The following PAK3 variants were observed in gnomAD, a reference collection of about 807,000 sequenced individuals.
The protein encoded by PAK3 is p21 (RAC1) activated kinase 3.
PAK3 carries 4 observed loss-of-function variants against 41.0 expected under a neutral mutation model. The observed-to-expected ratio is 0.10, with a 90% CI of 0.05 to 0.22. PAK3 has a LOEUF of 0.22. PAK3 is among the 10% of genes least tolerant of loss of function. The pLI is 1.00. For synonymous variants in PAK3, 146 were observed against 139.6 expected, an observed-to-expected ratio of 1.05 and a Z score of -0.32; for missense variants, 205 against 409.9, an observed-to-expected ratio of 0.50 and a Z score of 4.32.
intron 17 of PAK3, among the ~76,000 whole-genome samples, chrX:111,217,262 C>T (rs1321552237): frequency 8.9e-6 from 1 of 111,843 alleles, no homozygotes; most frequent in Non-Finnish European, 1.9e-5. Flanking sequence ...TTCCACCACA[C>T]GTCACACACA....
intron 1 of PAK3, among the ~76,000 whole-genome samples, chrX:110,976,006 C>T (rs2091320198): frequency 1.8e-5 from 2 of 111,710 alleles, no homozygotes; most frequent in Non-Finnish European, 3.8e-5. Flanking sequence ...CCATGAAAAC[C>T]CTAGAACAAA....
chrX:111,175,258 A>G (rs1009258447), intron 11 of PAK3, among the ~76,000 whole-genome samples: 17 of 111,670 alleles, frequency 1.5e-4, no homozygotes, highest in Admixed American at 1.4e-3. Flanking sequence ...TTGGCTACTG[A>G]GCACTTGAAA....
At chrX:111,105,902 G>A (rs1379643237) in intron 4 of PAK3, among the ~76,000 whole-genome samples, 2 of 111,785 alleles carry the variant, frequency 1.8e-5, no homozygotes, top group East Asian at 2.8e-4. Flanking sequence ...CACAGGTATA[G>A]TCACATTGAC....
rs866113817 is a variant in PAK3 at position 111,160,965 on chromosome X, C to T, written c.469-1950C>T. Among the ~76,000 whole-genome samples, 35 of 112,270 alleles carry T rather than the reference C, an allele frequency of 3.1e-4. 1 individual carries two copies. The highest frequency in any genetic ancestry group is 6.6e-4 in the Admixed American group (7 of 10,657). On this transcript the variant is annotated intron_variant, in intron 8 of 17. Transcript: ENST00000372007. ...CTTTATAGCAGCATGATTTATAATCCTTTGGGTATATACCCAGTAATGGGA... is the reference window on the plus strand; with the variant it reads ...CTTTATAGCAGCATGATTTATAATCTTTTGGGTATATACCCAGTAATGGGA...
chrX:111,127,504 G>A (rs2093663648), intron 5 of PAK3, among the ~76,000 whole-genome samples: 1 of 111,211 alleles, frequency 9.0e-6, no homozygotes, highest in Non-Finnish European at 1.9e-5. Context: ...GTTAGTGACT[G>A]TTCCAGAAGC....
At chrX:111,106,215 C>G in intron 4 of PAK3, among the ~76,000 whole-genome samples, 1 of 111,596 alleles carries the variant, frequency 9.0e-6, no homozygotes, top group Non-Finnish European at 1.9e-5. Flanking sequence ...TACTGACACA[C>G]CCTTACTCAC....
At chrX:110,949,174 C>T (rs1383224654) in intron 1 of PAK3, among the ~76,000 whole-genome samples, 1 of 111,527 alleles carries the variant, frequency 9.0e-6, no homozygotes, top group East Asian at 2.8e-4. Context: ...TTTGGTGGGA[C>T]TTGGAGGTCA....
chrX:111,103,142 A>G lies in PAK3; in HGVS notation c.-175-17A>G, dbSNP rs2093179245. On this transcript the variant is annotated splice_polypyrimidine_tract_variant and intron_variant, in intron 3 of 17. Coordinates refer to ENST00000372007, the MANE Select transcript of PAK3 (RefSeq NM_002578.5). ...GGGAAAGAGGTTCCCTCTCCCCTAC[A>G]ATGCTTCTCTCAGCAGGTTTCCCCC... is the stretch of plus-strand genomic sequence containing the variant. 1 of 111,219 alleles carries G rather than the reference A, an allele frequency of 9.0e-6. No homozygotes were observed. Among genetic ancestry groups the G allele is most frequent in the Non-Finnish European group, 1.9e-5 (1 of 52,984 alleles). The allele number at this position is 111,219 out of a possible 1,213,427, so 9.2% of individuals were successfully genotyped here.
intron 1 of PAK3, among the ~76,000 whole-genome samples, chrX:110,975,481 C>T (rs2091309109): frequency 1.8e-5 from 2 of 111,981 alleles, no homozygotes; most frequent in Non-Finnish European, 1.9e-5. Flanking sequence ...AATGGAAGAA[C>T]ATTCCACGCT....
chrX:111,226,525 C>T lies in PAK3; in HGVS notation c.*6078C>T, dbSNP rs1187106633. 1.8e-5 allele frequency: 2 copies of T among 112,246 alleles called. No homozygotes were observed. The highest frequency in any genetic ancestry group is 3.8e-5 in the Non-Finnish European group (2 of 53,307). 9.3% of individuals were successfully genotyped at this position (112,246 alleles called of 1,213,427 possible). A position where few individuals can be genotyped will look rare whatever the true frequency, so the allele number is the denominator to read the frequency against. On this transcript the variant is annotated 3_prime_UTR_variant, in exon 18 of 18. Transcript: ENST00000372007. ...CCATGCATTTTAATGGCTGAGACTGCTAAGAGTGAACCTAAACACTTACAA... is the reference window on the plus strand; with the variant it reads ...CCATGCATTTTAATGGCTGAGACTGTTAAGAGTGAACCTAAACACTTACAA...
intron 16 of PAK3, among the ~76,000 whole-genome samples, chrX:111,201,252 G>A (rs1209754870): frequency 8.9e-6 from 1 of 111,863 alleles, no homozygotes; most frequent in Non-Finnish European, 1.9e-5. Context: ...TTTCAAATAT[G>A]TTTTCCTAAT....
intron 11 of PAK3, among the ~76,000 whole-genome samples, chrX:111,182,341 C>A (rs1470656857): frequency 9.1e-6 from 1 of 109,953 alleles, no homozygotes; most frequent in Non-Finnish European, 1.9e-5. Context: ...TGTGTTACAG[C>A]TCTCTTTAAA....
At chrX:111,019,769 T>C (rs2092150178) in intron 1 of PAK3, among the ~76,000 whole-genome samples, 1 of 103,206 alleles carries the variant, frequency 9.7e-6, no homozygotes, top group South Asian at 4.5e-4. Context: ...AAAGAAGATA[T>C]ACAAATGACC....
chrX:111,226,732 C>G lies in PAK3; in HGVS notation c.*6285C>G, dbSNP rs1211156616. Reference sequence around the variant, plus strand: ...GGGAGTTAGTGGATGGTCCCAATGCCCTGCCTACAGCAGAGTGCCAACCAG... The same window carrying G: ...GGGAGTTAGTGGATGGTCCCAATGCGCTGCCTACAGCAGAGTGCCAACCAG... On this transcript the variant is annotated 3_prime_UTR_variant, in exon 18 of 18. Transcript: ENST00000372007. The G allele has an allele frequency of 8.9e-6, 1 of 111,862 alleles. No homozygotes were observed. The highest frequency in any genetic ancestry group is 1.9e-5 in the Non-Finnish European group (1 of 53,235). 9.2% of individuals were successfully genotyped at this position (111,862 alleles called of 1,213,427 possible). A position where few individuals can be genotyped will look rare whatever the true frequency, so the allele number is the denominator to read the frequency against.
chrX:111,219,122 G>A (rs1344674652), intron 17 of PAK3, among the ~76,000 whole-genome samples: 4 of 106,850 alleles, frequency 3.7e-5, no homozygotes, highest in Admixed American at 1.0e-4. Context: ...CCTGGGAGGC[G>A]GAAGTTGCAG....
intron 4 of PAK3, among the ~76,000 whole-genome samples, chrX:111,121,785 C>T (rs993021155): frequency 4.5e-5 from 5 of 111,648 alleles, no homozygotes; most frequent in African/African-American, 1.6e-4. Context: ...TTGGAAGGTA[C>T]TATTAGTACC....
chrX:111,206,448 T>A (rs1283526256), intron 16 of PAK3, among the ~76,000 whole-genome samples: 3 of 112,152 alleles, frequency 2.7e-5, no homozygotes, highest in Non-Finnish European at 5.6e-5. Flanking sequence ...GTTGGAGTTA[T>A]CTGTAATTTA....
At chrX:110,986,229 A>T (rs2091540977) in intron 1 of PAK3, among the ~76,000 whole-genome samples, 1 of 111,983 alleles carries the variant, frequency 8.9e-6, no homozygotes, top group African/African-American at 3.2e-5. Context: ...TTCTGACATC[A>T]CATGAAGCAC....
intron 1 of PAK3, among the ~76,000 whole-genome samples, chrX:110,960,026 T>G (rs2090946644): frequency 8.9e-6 from 1 of 112,230 alleles, no homozygotes; most frequent in African/African-American, 3.2e-5. Context: ...TTTTCCTAAA[T>G]GTTTAATACT....
Sources: gnomAD v4.1 joint callset for allele counts (sites outside exome capture counted in the v4.1 genomes callset) on GRCh38, gnomAD v4.1.1 for gene constraint, MANE v1.5 for transcripts, NCBI Gene and HGNC (gene_info 2026-07-23, HGNC 2026-07-21) for gene names.